The following ACSM3 variants were observed in gnomAD, a reference collection of about 807,000 sequenced individuals.
ACSM3 encodes the protein acyl-CoA synthetase medium chain family member 3, also known as acyl-coenzyme A synthetase ACSM3, mitochondrial.
A neutral mutation model predicts 74.1 loss-of-function variants in ACSM3; 61 were observed. The ratio of observed to expected loss-of-function variants is 0.82; its 90% CI spans 0.67 to 1.02. The LOEUF is 1.02. ACSM3 is among the 50% of genes least tolerant of loss of function. The probability of loss-of-function intolerance (pLI) is 0.00; values close to 1 mark genes in which losing one functional copy is unlikely to be tolerated. For synonymous variants in ACSM3, 213 were observed against 241.5 expected, an observed-to-expected ratio of 0.88 and a Z score of 1.09; for missense variants, 660 against 697.0, an observed-to-expected ratio of 0.95 and a Z score of 0.60.
intron 1 of ACSM3, among the ~76,000 whole-genome samples, chr16:20,698,051 G>A (rs1266895857): frequency 5.3e-5 from 8 of 151,960 alleles, no homozygotes; most frequent in Non-Finnish European, 1.2e-4. Flanking sequence ...AAAATTAGCC[G>A]GGTGTGGTGG....
At chr16:20,754,720 T>C (rs1054867513) in intron 2 of ACSM3, among the ~76,000 whole-genome samples, 1 of 152,190 alleles carries the variant, frequency 6.6e-6, no homozygotes, top group African/African-American at 2.4e-5. Context: ...CCATTGAGTT[T>C]AGGACCACCA....
chr16:20,738,307 T>C (rs1286789778), intron 1 of ACSM3: 5 of 397,796 alleles, frequency 1.3e-5, no homozygotes, highest in Non-Finnish European at 2.4e-5. Context: ...ACACACTTTT[T>C]TACAAAAAAA....
At chr16:20,773,270 A>T (rs2080215720) in intron 2 of ACSM3, among the ~76,000 whole-genome samples, 1 of 151,414 alleles carries the variant, frequency 6.6e-6, no homozygotes, top group Non-Finnish European at 1.5e-5. Context: ...TTTTTTTCTT[A>T]ATCTAGCTAA....
chr16:20,727,863 A>G (rs952883189), intron 1 of ACSM3, among the ~76,000 whole-genome samples: 1 of 152,158 alleles, frequency 6.6e-6, no homozygotes, highest in Admixed American at 6.5e-5. Flanking sequence ...CAAACCAGCA[A>G]CATCAGCATC....
chr16:20,715,988 T>G (rs964552225), intron 1 of ACSM3, among the ~76,000 whole-genome samples: 7 of 152,184 alleles, frequency 4.6e-5, no homozygotes, highest in Admixed American at 2.0e-4. Flanking sequence ...GGTTTTCCTG[T>G]ACATGGCCTC....
At chr16:20,710,157 TA>T (rs1425758947) in intron 1 of ACSM3, among the ~76,000 whole-genome samples, 5 of 152,200 alleles carry the variant, frequency 3.3e-5, no homozygotes, top group African/African-American at 1.2e-4. Context: ...TGAGATAAAC[TA>T]AGCATTGCCA....
chr16:20,763,428 T>C (rs978403428), upstream of ACSM3, among the ~76,000 whole-genome samples: 1 of 151,996 alleles, frequency 6.6e-6, no homozygotes, highest in East Asian at 1.9e-4. Flanking sequence ...AACAGGCAAG[T>C]GTGTTTGAGA....
intron 1 of ACSM3, among the ~76,000 whole-genome samples, chr16:20,742,937 T>C (rs1173675176): frequency 6.7e-6 from 1 of 148,914 alleles, no homozygotes; most frequent in Non-Finnish European, 1.5e-5. Flanking sequence ...TGTATGTTTG[T>C]CTATTTTTTT....
At chr16:20,738,652 T>A (rs910848289) in intron 1 of ACSM3, 1 of 484,344 alleles carries the variant, frequency 2.1e-6, no homozygotes, top group African/African-American at 1.9e-5. Context: ...GAACTGGCAC[T>A]CTAGTTCTGC....
intron 1 of ACSM3, among the ~76,000 whole-genome samples, chr16:20,714,223 C>T (rs1405474025): frequency 6.7e-6 from 1 of 150,182 alleles, no homozygotes; most frequent in Non-Finnish European, 1.5e-5. Context: ...AAAAAAAACA[C>T]CCTAAGGTGT....
At position 20,742,536 on chromosome 16, in the gene ACSM3, G is replaced by A. The variant is rs542783572; in HGVS notation, c.-189-7374G>A. On this transcript the variant is annotated intron_variant, in intron 1 of 3. Coordinates refer to the ACSM3 transcript ENST00000561584. ...CGCGCACCTGTAGTCCCAACTACTC[G>A]GGAGGCTGAGGCAGGGGAATCACTC... 3.3e-5 allele frequency among the ~76,000 whole-genome samples: 5 copies of A among 152,066 alleles called. No homozygotes were observed. In the East Asian group the frequency reaches 7.8e-4, roughly 24 times the overall value.
chr16:20,770,164 G>T lies in ACSM3; in HGVS notation c.130G>T (p.Glu44Ter), dbSNP rs145080272. ...TATPQNFSNY[E>*]SMKQDFKLGI... ...AACCCCTCAGAATTTCTCCAACTAT[G>T]AATCCATGAAACAGGACTTCAAACT... The change falls in exon 2 of 14, where the codon GAA (glutamate) becomes TAA (stop). Residue 44 changes from glutamate (E) to a stop codon, truncating the protein, a stop_gained. Coordinates refer to ENST00000289416, the MANE Select transcript of ACSM3 (RefSeq NM_005622.4). LOFTEE classifies it high-confidence loss of function. 3.7e-6 allele frequency: 6 copies of T among 1,614,006 alleles called. No homozygotes were observed. The African/African-American group carries it at 6.7e-5, about 18-fold the overall frequency.
intron 1 of ACSM3, among the ~76,000 whole-genome samples, chr16:20,686,454 C>T (rs899437735): frequency 5.9e-5 from 9 of 152,054 alleles, no homozygotes; most frequent in Non-Finnish European, 1.2e-4. Context: ...GAACAACACA[C>T]ACTGGGGCCA....
intron 1 of ACSM3, among the ~76,000 whole-genome samples, chr16:20,747,836 G>A (rs1164592368): frequency 6.6e-6 from 1 of 152,166 alleles, no homozygotes; most frequent in East Asian, 1.9e-4. Context: ...TTCAGGGTAG[G>A]TATAGTGTAC....
At chr16:20,683,005 ATTCTCATCCC>A (rs1263697274) in intron 1 of ACSM3, among the ~76,000 whole-genome samples, 1 of 151,972 alleles carries the variant, frequency 6.6e-6, no homozygotes, top group African/African-American at 2.4e-5. Context: ...TTCCTTCTGG[ATTCTCATCCC>A]TCCACCAGTT....
At chr16:20,779,855 T>C in intron 4 of ACSM3, 1 of 199,898 alleles carries the variant, frequency 5.0e-6, no homozygotes, top group Non-Finnish European at 1.1e-5. Flanking sequence ...CACTGCAACC[T>C]CCACCTCCCT....
Position 20,764,414 on chromosome 16 carries a change from AT to A in ACSM3, c.-52+299del, listed in dbSNP as rs559567838. On this transcript the variant is annotated intron_variant, in intron 1 of 13. Transcript: ENST00000289416. ...CTATGTACATGTATTAAGTTGATAA[AT>A]TTTTTTTTTAATTTTAATTGAACCA... 4.5e-3 allele frequency among the ~76,000 whole-genome samples: 679 copies of A among 151,222 alleles called. 2 individuals are homozygous for A. The highest frequency in any genetic ancestry group is 0.014 in the African/African-American group (578 of 41,268).
At chr16:20,771,148 G>A (rs753125636) in intron 2 of ACSM3, among the ~76,000 whole-genome samples, 25 of 152,004 alleles carry the variant, frequency 1.6e-4, no homozygotes, top group Non-Finnish European at 2.8e-4. Flanking sequence ...TGCAACCTCC[G>A]CCTCATGAGT....
chr16:20,708,808 C>T (rs1346440522), intron 1 of ACSM3, among the ~76,000 whole-genome samples: 2 of 152,088 alleles, frequency 1.3e-5, no homozygotes, highest in Admixed American at 6.5e-5. Flanking sequence ...TCAAATACTC[C>T]AAATATGCTT....
Sources: allele counts gnomAD v4.1 joint callset (sites outside exome capture counted in the v4.1 genomes callset), GRCh38; gene constraint gnomAD v4.1.1; transcripts MANE v1.5; gene names NCBI Gene and HGNC (gene_info 2026-07-23, HGNC 2026-07-21).